Variants in FOLH1 observed in about 807,000 individuals in gnomAD.
FOLH1 encodes the protein folate hydrolase 1.
Under a neutral mutation model 93.9 loss-of-function variants are expected in FOLH1, and 54 were observed. The observed-to-expected ratio is 0.57, with a 90% CI of 0.46 to 0.72. The LOEUF is 0.72. Ranked by LOEUF, FOLH1 falls within the 30% of genes least tolerant of loss-of-function variation. The pLI is 0.00. For synonymous variants in FOLH1, 249 were observed against 303.6 expected (o/e 0.82, Z 1.87); for missense variants, 571 against 892.5 (o/e 0.64, Z 4.59).
intron 13 of FOLH1, among the ~76,000 whole-genome samples, chr11:49,159,885 C>CT (rs563557049): frequency 1.6e-3 from 235 of 149,730 alleles, no homozygotes; most frequent in African/African-American, 5.2e-3. Context: ...GGAATTTATC[C>CT]TTTTTTTTCT....
At position 49,198,781 on chromosome 11, in the gene FOLH1, T is replaced by C. The variant is rs1160783862; in HGVS notation, c.411+1474A>G. ...GGGTTTTTTTAGTTTGTTTTTCTTTTTTTTTTTTTTCCTTTTAAGGTGGAG... is the reference window on the plus strand; with the variant it reads ...GGGTTTTTTTAGTTTGTTTTTCTTTCTTTTTTTTTTCCTTTTAAGGTGGAG... On this transcript the variant is annotated intron_variant, in intron 3 of 18. Coordinates refer to ENST00000256999, the MANE Select transcript of FOLH1 (RefSeq NM_004476.3). Among the ~76,000 whole-genome samples, 4 of 151,434 alleles carry C rather than the reference T, an allele frequency of 2.6e-5. No homozygotes were observed. The East Asian group carries it at 5.8e-4, about 22-fold the overall frequency.
At chr11:49,193,068 C>T (rs995808511) in intron 3 of FOLH1, among the ~76,000 whole-genome samples, 174 bp from the exon 4 acceptor site, 8 of 151,966 alleles carry the variant, frequency 5.3e-5, no homozygotes, top group Non-Finnish European at 1.0e-4. Context: ...GAAGAATTCA[C>T]GAGATGAATA....
chr11:49,186,228 C>T (rs532246374), intron 5 of FOLH1: 66 of 197,352 alleles, frequency 3.3e-4, no homozygotes, highest in Non-Finnish European at 5.7e-4. Flanking sequence ...ATTAACAAAT[C>T]AAATGACAGT....
At chr11:49,162,844 G>A in intron 13 of FOLH1, 1 of 149,830 alleles carries the variant, frequency 6.7e-6, no homozygotes. Context: ...GCTGTGTTGT[G>A]CTGGGGGGTC....
Position 49,206,835 on chromosome 11 carries a change from T to C in FOLH1, c.119-663A>G, listed in dbSNP as rs138010555. On this transcript the variant is annotated intron_variant, in intron 1 of 18. Transcript: ENST00000256999. ...TAGGCGGCCAGAAACAATGGATAGC[T>C]AGATCCTGCAGTCATTAGACCTTGC... is the stretch of plus-strand genomic sequence containing the variant. The C allele has an allele frequency of 1.1e-3, 1,688 of 1,522,482 alleles. 18 individuals carry two copies. The African/African-American group carries it at 0.021, about 19-fold the overall frequency. 94.3% of individuals were successfully genotyped at this position (1,522,482 alleles called of 1,614,324 possible). A position where few individuals can be genotyped will look rare whatever the true frequency, so the allele number is the denominator to read the frequency against.
At chr11:49,175,988 C>CA (rs760792015) in intron 7 of FOLH1, 31 bp from the exon 8 acceptor site, 9 of 1,598,630 alleles carry the variant, frequency 5.6e-6, no homozygotes, top group South Asian at 1.1e-5. Flanking sequence ...TTATTAGCCA[C>CA]AAAAAAACCT....
At chr11:49,148,969 T>C (rs1460954403) in intron 17 of FOLH1, among the ~76,000 whole-genome samples, 1 of 152,102 alleles carries the variant, frequency 6.6e-6, no homozygotes, top group Non-Finnish European at 1.5e-5. Context: ...CGAGGGTACA[T>C]GTGCACAACG....
intron 2 of FOLH1, among the ~76,000 whole-genome samples, chr11:49,203,945 C>T (rs1052725850): frequency 3.4e-4 from 52 of 152,172 alleles, no homozygotes; most frequent in Admixed American, 1.3e-4. Context: ...CACCTGTTAA[C>T]ACCAAAATGT....
intron 2 of FOLH1, among the ~76,000 whole-genome samples, chr11:49,204,363 T>A (rs898321733): frequency 2.6e-5 from 4 of 152,214 alleles, no homozygotes; most frequent in Non-Finnish European, 2.9e-5. Context: ...CCAGTTGAAT[T>A]CTTTCTTCTG....
intron 4 of FOLH1, 47 bp downstream of exon 4, chr11:49,192,746 A>G (rs987064377): frequency 6.7e-7 from 1 of 1,498,078 alleles, no homozygotes; most frequent in Non-Finnish European, 9.1e-7. Flanking sequence ...TATGAAGAGA[A>G]GGAAGGCTTC....
Position 49,208,345 on chromosome 11 carries a change from C to A in FOLH1, c.65G>T (p.Cys22Phe). The A allele has an allele frequency of 1.2e-6, 2 of 1,600,628 alleles. No individual in the cohort carries two copies. The highest frequency in any genetic ancestry group is 2.3e-5 in the East Asian group (1 of 44,378). Residue 22 changes from cysteine (C) to phenylalanine (F), a missense_variant, in exon 1 of 19, where the codon TGC becomes TTC. By Grantham distance (205) the Cys-to-Phe change is radical (BLOSUM62 -2). This residue lies in a region of FOLH1 where 71 missense variants were observed against 69.6 expected (regional missense o/e 1.02). Coordinates refer to ENST00000256999, the MANE Select transcript of FOLH1 (RefSeq NM_004476.3). ...ACCCGCCAGCACCAGCGCCCCAGCG[C>A]ACAGCCAGCGCGGGCGGCGCGCGGT... is the stretch of plus-strand genomic sequence containing the variant. ...VATARRPRWL[C>F]AGALVLAGGF...
chr11:49,207,936 AAAACAAAC>A (rs71454047), intron 1 of FOLH1: 3 of 487,848 alleles, frequency 6.1e-6, no homozygotes, highest in South Asian at 1.6e-5. Flanking sequence ...GAGAGGTAAA[AAAACAAAC>A]AAACAAACAA....
chr11:49,187,316 C>T (rs202690), intron 4 of FOLH1, among the ~76,000 whole-genome samples: 47,746 of 152,026 alleles, frequency 0.31, 8,574 homozygotes, highest in African/African-American at 0.5. Context: ...CAATGATCTG[C>T]TAGATTAAAT....
chr11:49,161,777 T>C (rs1366333138), intron 13 of FOLH1, among the ~76,000 whole-genome samples: 1 of 152,226 alleles, frequency 6.6e-6, no homozygotes, highest in East Asian at 1.9e-4. Flanking sequence ...TTCCTGTCCA[T>C]ATTTAGTACT....
intron 13 of FOLH1, among the ~76,000 whole-genome samples, chr11:49,163,923 C>T (rs991409650): frequency 2.6e-5 from 4 of 152,066 alleles, no homozygotes; most frequent in African/African-American, 9.7e-5. Flanking sequence ...CATCATTTTC[C>T]TGGGTGGGGG....
At chr11:49,192,258 TAAAG>T (rs1862141460) in intron 4 of FOLH1, among the ~76,000 whole-genome samples, 2 of 152,014 alleles carry the variant, frequency 1.3e-5, no homozygotes, top group Admixed American at 1.3e-4. Context: ...CTGTAAATCA[TAAAG>T]AAGGAGAATA....
At chr11:49,185,957 T>C in intron 5 of FOLH1, 102 bp from the exon 6 acceptor site, 1 of 1,359,328 alleles carries the variant, frequency 7.4e-7, no homozygotes, top group South Asian at 1.8e-5. Context: ...CAGAACTTTA[T>C]CTTCAACCTT....
chr11:49,160,191 C>G (rs546667718), intron 13 of FOLH1, among the ~76,000 whole-genome samples: 2 of 151,982 alleles, frequency 1.3e-5, no homozygotes, highest in Non-Finnish European at 2.9e-5. Context: ...TCATTTCTGA[C>G]GGTGTTTATT....
In FOLH1 at chr11:49,158,162, C is replaced by A. The variant is rs1213257986; in HGVS notation, c.1441-119G>T. ...ATTCAGCAAAAACAAGGGATGCTAT[C>A]CATACATTAGCAGTCATCAAGAATT... is the stretch of plus-strand genomic sequence containing the variant. On this transcript the variant is annotated intron_variant, in intron 13 of 18. Coordinates refer to ENST00000256999, the MANE Select transcript of FOLH1 (RefSeq NM_004476.3). 5.5e-6 allele frequency: 4 copies of A among 727,258 alleles called. No individual in the cohort carries two copies. In the East Asian group the frequency reaches 1.2e-4, roughly 21 times the overall value. The allele number at this position is 727,258 out of a possible 1,614,324, so 45.1% of individuals were successfully genotyped here.
Sources: allele counts gnomAD v4.1 joint callset (sites outside exome capture counted in the v4.1 genomes callset), GRCh38; gene constraint gnomAD v4.1.1; regional missense constraint gnomAD v4.1.1; transcripts MANE v1.5; gene names NCBI Gene and HGNC (gene_info 2026-07-23, HGNC 2026-07-21).